Variants in C8orf34 observed in about 807,000 individuals in gnomAD.
C8orf34 encodes the protein chromosome 8 open reading frame 34.
In C8orf34, 65 loss-of-function variants were observed where a neutral mutation model predicts 68.3. The observed-to-expected ratio is 0.95, with a 90% CI of 0.78 to 1.17. The LOEUF is 1.17. C8orf34 is among the 50% of genes most tolerant of loss of function. C8orf34 has a pLI of 0.00. For missense variants in C8orf34, 664 were observed against 655.4 expected (o/e 1.01, Z -0.14); for synonymous variants, 244 against 241.2 (o/e 1.01, Z -0.11).
chr8:68,799,543 G>A (rs117505985), intron 12 of C8orf34, among the ~76,000 whole-genome samples: 37 of 152,194 alleles, frequency 2.4e-4, no homozygotes, highest in Non-Finnish European at 4.0e-4. Context: ...AAACAGATCT[G>A]AGATTTTTAT....
intron 5 of C8orf34, among the ~76,000 whole-genome samples, chr8:68,515,227 T>C (rs951624340): frequency 1.3e-5 from 2 of 152,028 alleles, no homozygotes; most frequent in African/African-American, 4.8e-5. Context: ...AATGTAGGAA[T>C]AGAACCTGAG....
chr8:68,629,085 A>G lies in C8orf34; in HGVS notation c.1106-11291A>G, dbSNP rs116108146. Among the ~76,000 whole-genome samples the G allele has an allele frequency of 7.5e-3, 1,135 of 152,306 alleles. 21 individuals are homozygous for G. Among genetic ancestry groups the G allele is most frequent in the African/African-American group, 0.025 (1,049 of 41,562 alleles). ...TTATAAGTTCTTAAATATAACATTC[A>G]TATAATGCACACATTTTACTTGTAA... On this transcript the variant is annotated intron_variant, in intron 7 of 13. Coordinates refer to ENST00000518698, the MANE Select transcript of C8orf34 (RefSeq NM_052958.4).
chr8:68,709,714 T>A (rs952051554), intron 9 of C8orf34, among the ~76,000 whole-genome samples: 2 of 152,160 alleles, frequency 1.3e-5, no homozygotes, highest in Non-Finnish European at 2.9e-5. Context: ...CCTCTTTTGT[T>A]CATTGTTTTT....
intron 8 of C8orf34, among the ~76,000 whole-genome samples, chr8:68,644,232 AG>A (rs1240746685): frequency 6.6e-6 from 1 of 152,158 alleles, no homozygotes; most frequent in Non-Finnish European, 1.5e-5. Flanking sequence ...CCCTCTTCAT[AG>A]GGGAGAGGGT....
intron 5 of C8orf34, among the ~76,000 whole-genome samples, chr8:68,494,787 C>T (rs1247729284): frequency 2.0e-5 from 3 of 151,536 alleles, no homozygotes; most frequent in Non-Finnish European, 2.9e-5. Flanking sequence ...ACACGGGAGG[C>T]GGAGGTTGCA....
chr8:68,745,449 A>G (rs1822456842), intron 10 of C8orf34, among the ~76,000 whole-genome samples: 1 of 152,200 alleles, frequency 6.6e-6, no homozygotes, highest in Admixed American at 6.5e-5. Context: ...CAAATTGGAT[A>G]AAGAGTCAAG....
rs546435082 is a variant in C8orf34, at chr8:68,636,530, A to C, written c.1106-3846A>C. Among the ~76,000 whole-genome samples, 4 of 152,220 alleles carry C rather than the reference A, an allele frequency of 2.6e-5. No homozygotes were observed. In the East Asian group the frequency reaches 7.7e-4, roughly 29 times the overall value. ...AACCTGGGAGGAGGAGGTTGCAGTG[A>C]GCCGAGATCGCACCACTGCACTCTT... On this transcript the variant is annotated intron_variant, in intron 7 of 13. Transcript: ENST00000518698.
intron 1 of C8orf34, among the ~76,000 whole-genome samples, chr8:68,396,378 T>C (rs1303092261): frequency 6.6e-6 from 1 of 152,020 alleles, no homozygotes; most frequent in East Asian, 1.9e-4. Context: ...GCACAACTCT[T>C]AAGGCTTTGT....
At chr8:68,466,718 T>G (rs1188868633) in intron 3 of C8orf34, among the ~76,000 whole-genome samples, 2 of 144,272 alleles carry the variant, frequency 1.4e-5, no homozygotes, top group African/African-American at 5.3e-5. Flanking sequence ...ACACTTTCTG[T>G]GAAAATAAAC....
At chr8:68,599,663 A>T (rs950067551) in intron 7 of C8orf34, among the ~76,000 whole-genome samples, 1 of 152,224 alleles carries the variant, frequency 6.6e-6, no homozygotes, top group East Asian at 1.9e-4. Context: ...ACCCCCAGAT[A>T]TAAATGCTAA....
chr8:68,450,605 C>T (rs575734101), intron 3 of C8orf34, among the ~76,000 whole-genome samples: 2 of 152,190 alleles, frequency 1.3e-5, no homozygotes, highest in African/African-American at 4.8e-5. Context: ...TGTACATTGC[C>T]ATCAGCACTC....
chr8:68,815,588 G>A (rs919846750), intron 12 of C8orf34, among the ~76,000 whole-genome samples: 39 of 152,098 alleles, frequency 2.6e-4, no homozygotes, highest in Admixed American at 2.5e-3. Context: ...ATTCATATGG[G>A]ATCTTCACAC....
At chr8:68,511,768 A>C (rs1022178694) in intron 5 of C8orf34, among the ~76,000 whole-genome samples, 2 of 152,164 alleles carry the variant, frequency 1.3e-5, no homozygotes, top group Non-Finnish European at 2.9e-5. Context: ...CCAGGCAGAG[A>C]GAAACAAACA....
intron 7 of C8orf34, among the ~76,000 whole-genome samples, chr8:68,618,335 T>G (rs1313006101): frequency 2.0e-5 from 3 of 152,154 alleles, no homozygotes; most frequent in African/African-American, 7.2e-5. Context: ...AGTTCTTTAC[T>G]TTTGCCAAAG....
chr8:68,417,424 C>A (rs1325192763), intron 1 of C8orf34, among the ~76,000 whole-genome samples: 1 of 151,942 alleles, frequency 6.6e-6, no homozygotes, highest in Non-Finnish European at 1.5e-5. Flanking sequence ...ATTAAATAAA[C>A]TTGTACAGCA....
intron 1 of C8orf34, among the ~76,000 whole-genome samples, chr8:68,395,652 G>C (rs1808672929): frequency 6.6e-6 from 1 of 152,138 alleles, no homozygotes; most frequent in Admixed American, 6.6e-5. Flanking sequence ...TGAAAGCTAA[G>C]ATCCTTGTGG....
At chr8:68,473,098 G>A (rs1040286815) in intron 4 of C8orf34, among the ~76,000 whole-genome samples, 18 of 152,078 alleles carry the variant, frequency 1.2e-4, no homozygotes, top group African/African-American at 2.9e-4. Context: ...GTAAATACCC[G>A]AGGTTCATTG....
intron 1 of C8orf34, among the ~76,000 whole-genome samples, chr8:68,360,346 A>G (rs1251287569): frequency 6.6e-6 from 1 of 152,152 alleles, no homozygotes; most frequent in East Asian, 1.9e-4. Flanking sequence ...TGTCTCTACT[A>G]AAAAAATAAT....
At chr8:68,380,160 C>A (rs1361854441) in intron 1 of C8orf34, among the ~76,000 whole-genome samples, 1 of 152,206 alleles carries the variant, frequency 6.6e-6, no homozygotes, top group African/African-American at 2.4e-5. Flanking sequence ...CCACACCCAG[C>A]CTTCTTGTTG....
Sources: allele counts gnomAD v4.1 joint callset (sites outside exome capture counted in the v4.1 genomes callset), GRCh38; gene constraint gnomAD v4.1.1; transcripts MANE v1.5; gene names NCBI Gene and HGNC (gene_info 2026-07-23, HGNC 2026-07-21).